Variants in GAREM2 observed in about 807,000 individuals in gnomAD.
GAREM2 encodes the protein GRB2-associated and regulator of MAPK protein 2.
In GAREM2, 30 loss-of-function variants were observed where a neutral mutation model predicts 55.6. The observed-to-expected ratio is 0.54, with a 90% CI of 0.40 to 0.73. The LOEUF (loss-of-function observed/expected upper bound fraction) is 0.73. Among genes scored for constraint, GAREM2 ranks in the 30% least tolerant of loss-of-function variants. GAREM2 has a pLI of 0.00. For missense variants in GAREM2, 1,075 were observed against 1,257.7 expected (o/e 0.85, Z 2.20); for synonymous variants, 550 against 569.1 (o/e 0.97, Z 0.48).
In GAREM2 at chr2:26,187,556, C is replaced by A; in HGVS notation, c.1924C>A (p.Pro642Thr). Residue 642 changes from proline to threonine, a missense_variant, in exon 6 of 6, where the codon CCT becomes ACT. Physicochemically the swap from Pro to Thr is conservative, Grantham distance 38. Coordinates refer to ENST00000401533, the MANE Select transcript of GAREM2 (RefSeq NM_001168241.2). ...TTCCGGGCCTGCCTACCCCTCAGGC[C>A]CTTCAGCGGCCTTGTCTTCTGGGCC... is the stretch of plus-strand genomic sequence containing the variant. The part of the protein sequence containing the change: ...PFSGPAYPSG[P>T]SAALSSGPRT... The A allele has an allele frequency of 6.5e-7, 1 of 1,543,044 alleles. No homozygotes were observed. The highest frequency in any genetic ancestry group is 2.0e-5 in the Admixed American group (1 of 49,456).
Position 26,179,363 on chromosome 2 carries a change from T to A in GAREM2, c.253+2879T>A, listed in dbSNP as rs923076626. 5.9e-5 allele frequency among the ~76,000 whole-genome samples: 9 copies of A among 152,182 alleles called. No homozygotes were observed. The highest frequency in any genetic ancestry group is 1.2e-4 in the Non-Finnish European group (8 of 68,036). ...AAATCCGAAGCCCAGAGAGATTAAA[T>A]AATTTGCCCAAGGTCACACAGCTGG... On this transcript the variant is annotated intron_variant, in intron 2 of 5. Coordinates refer to ENST00000401533, the MANE Select transcript of GAREM2 (RefSeq NM_001168241.2). This position sits in a 1 kb window ranked among gnomAD's most constrained non-coding sequence, Gnocchi z 4.7.
chr2:26,197,995 A>T, the GAREM2 span, among the ~76,000 whole-genome samples: 14 of 152,146 alleles, frequency 9.2e-5, no homozygotes, highest in Non-Finnish European at 1.9e-4. Context: ...GCCTTCCTCT[A>T]GTTATGGCCC....
the GAREM2 span, among the ~76,000 whole-genome samples, chr2:26,196,250 T>G: frequency 3.9e-5 from 6 of 152,356 alleles, no homozygotes; most frequent in Admixed American, 3.3e-4. Context: ...AATGCCATTA[T>G]GTAATACACA....
At chr2:26,176,258 G>T in intron 1 of GAREM2, 86 bp from the exon 2 acceptor site, 2 of 1,329,778 alleles carry the variant, frequency 1.5e-6, no homozygotes, top group Non-Finnish European at 2.0e-6. Flanking sequence ...GGCGGTCTTG[G>T]TGAGGACGTC....
chr2:26,187,090 G>A (rs1442871160), intron 5 of GAREM2, 141 bp from the exon 6 acceptor site: 22 of 1,239,292 alleles, frequency 1.8e-5, no homozygotes, highest in Admixed American at 4.2e-5. Flanking sequence ...CGGCCATTCC[G>A]GAGGGTCTTG....
chr2:26,173,636 C>A (rs916955587), intron 1 of GAREM2, among the ~76,000 whole-genome samples: 1 of 152,010 alleles, frequency 6.6e-6, no homozygotes, highest in Non-Finnish European at 1.5e-5. Context: ...CGGTTGCCCC[C>A]CTTTCCCCCG....
At chr2:26,195,724 TAA>T in the GAREM2 span, among the ~76,000 whole-genome samples, 1 of 152,168 alleles carries the variant, frequency 6.6e-6, no homozygotes, top group Non-Finnish European at 1.5e-5. Flanking sequence ...CAGATGCACT[TAA>T]GACTCATTAA....
downstream of GAREM2, chr2:26,190,889 TTTA>T: frequency 2.8e-6 from 1 of 362,610 alleles, no homozygotes; most frequent in East Asian, 6.1e-5. Context: ...GAGTTTGGTT[TTTA>T]TTGTTATGTG....
At position 26,188,230 on chromosome 2, in the gene GAREM2, C is replaced by A; in HGVS notation, c.2598C>A (p.Phe866Leu). ...TKLQVKKIMQ[F>L]IKGWRPKI ...TGCAGGTCAAGAAGATCATGCAGTT[C>A]ATCAAAGGCTGGAGGCCCAAGATCT... is the stretch of plus-strand genomic sequence containing the variant. Residue 866 changes from phenylalanine to leucine, a missense_variant, in exon 6 of 6, where the codon TTC becomes TTA. By Grantham distance (22) the Phe-to-Leu change is conservative (BLOSUM62 0). This residue lies in a region of GAREM2 where 142 missense variants were observed against 172.3 expected (regional missense o/e 0.82). Coordinates refer to ENST00000401533, the MANE Select transcript of GAREM2 (RefSeq NM_001168241.2). 6.7e-7 allele frequency: 1 copy of A among 1,494,912 alleles called. No homozygotes were observed. Among genetic ancestry groups the A allele is most frequent in the South Asian group, 1.3e-5 (1 of 76,360 alleles). 92.6% of individuals were successfully genotyped at this position (1,494,912 alleles called of 1,614,324 possible).
the GAREM2 span, chr2:26,194,745 AACTT>A: frequency 1.3e-6 from 1 of 797,118 alleles, no homozygotes; most frequent in South Asian, 1.4e-5. Flanking sequence ...GTCACTGTAA[AACTT>A]AAGGTGACTT....
rs1669031995 is a variant in GAREM2 at position 26,180,943 on chromosome 2, G to A, written c.254-2024G>A. On this transcript the variant is annotated intron_variant, in intron 2 of 5. Coordinates refer to ENST00000401533, the MANE Select transcript of GAREM2 (RefSeq NM_001168241.2). The stretch of plus-strand genomic sequence containing the variant: ...GCCATCTCCATTTCTGACCAGGCTG[G>A]TGGCCTGAGTACATCATCCTGAGTC... 4.1e-6 allele frequency: 4 copies of A among 985,310 alleles called. No homozygotes were observed. The South Asian group carries it at 1.9e-4, about 46-fold the overall frequency. The allele number at this position is 985,310 out of a possible 1,614,324, so 61.0% of individuals were successfully genotyped here.
chr2:26,188,325 G>A lies in GAREM2; in HGVS notation c.*68G>A, dbSNP rs1225127146. ...GCCCCAGGTACAGCACTCCGGAGGA[G>A]CAGGTGCTGCCTGCAAGAAGGATCT... On this transcript the variant is annotated 3_prime_UTR_variant, in exon 6 of 6. Coordinates refer to ENST00000401533, the MANE Select transcript of GAREM2 (RefSeq NM_001168241.2). The A allele has an allele frequency of 1.6e-6, 2 of 1,224,846 alleles. No homozygotes were observed. Among genetic ancestry groups the A allele is most frequent in the African/African-American group, 1.5e-5 (1 of 64,608 alleles). The allele number at this position is 1,224,846 out of a possible 1,614,324, so 75.9% of individuals were successfully genotyped here. A position where few individuals can be genotyped will look rare whatever the true frequency, so the allele number is the denominator to read the frequency against.
chr2:26,192,352 T>C (rs1214955457), downstream of GAREM2: 5 of 1,609,294 alleles, frequency 3.1e-6, no homozygotes, highest in Admixed American at 8.3e-5. Context: ...TAAAATACTA[T>C]CCATGTCAGA....
intron 1 of GAREM2, 149 bp downstream of exon 1, chr2:26,173,481 C>G (rs2147715992): frequency 5.7e-6 from 2 of 352,240 alleles, no homozygotes; most frequent in East Asian, 4.5e-5. Flanking sequence ...GCGCGCCTCC[C>G]GGGAGACGCG....
chr2:26,184,239 T>G lies in GAREM2; in HGVS notation c.391T>G (p.Ser131Ala). The change falls in exon 4 of 6, where the codon TCG becomes GCG. Residue 131 changes from serine (S) to alanine (A), a missense_variant. Ser to Ala is a moderately conservative substitution (Grantham distance 99). Coordinates refer to ENST00000401533, the MANE Select transcript of GAREM2 (RefSeq NM_001168241.2). ...EAITFSVKVV[S>A]GEFSEDSEVY... ...CTGTCTCTGGGATCCCCAGGTGGTG[T>G]CGGGCGAGTTCAGCGAGGACAGCGA... 2 of 1,550,030 alleles carry G rather than the reference T, an allele frequency of 1.3e-6. No individual in the cohort carries two copies. Among genetic ancestry groups the G allele is most frequent in the Non-Finnish European group, 1.7e-6 (2 of 1,146,120 alleles).
Position 26,184,638 on chromosome 2 carries a change from C to T in GAREM2, c.790C>T (p.Pro264Ser). 1 of 1,546,746 alleles carries T rather than the reference C, an allele frequency of 6.5e-7. No individual in the cohort carries two copies. The highest frequency in any genetic ancestry group is 8.7e-7 in the Non-Finnish European group (1 of 1,145,378). The change falls in exon 4 of 6, where the codon CCG becomes TCG. Residue 264 changes from proline to serine, a missense_variant. Transcript: ENST00000401533. The part of the protein sequence containing the change: ...VRAIIERVRL[P>S]VNVLVPSRPP... ...CGCCATCATCGAGCGCGTGAGGCTG[C>T]CGGTGAACGTGCTGGTGCCCAGCCG...
In GAREM2 at chr2:26,185,075, C is replaced by T; in HGVS notation, c.1227C>T (p.Tyr409=). 5 of 1,384,726 alleles carry T rather than the reference C, an allele frequency of 3.6e-6. No homozygotes were observed. The highest frequency in any genetic ancestry group is 6.2e-5 in the East Asian group (2 of 32,170). The allele number at this position is 1,384,726 out of a possible 1,614,324, so 85.8% of individuals were successfully genotyped here. A position where few individuals can be genotyped will look rare whatever the true frequency, so the allele number is the denominator to read the frequency against. The change falls in exon 4 of 6, where the codon TAC becomes TAT. Residue 409 remains tyrosine, a synonymous_variant. Transcript: ENST00000401533. ...PAPAGEGDQE[Y]VSPDWAAAPE... ...CCGCCGGCGAGGGCGACCAGGAGTA[C>T]GTGAGCCCCGACTGGGCAGCCGCGC...
At chr2:26,175,356 C>T (rs1434624707) in intron 1 of GAREM2, among the ~76,000 whole-genome samples, 1 of 152,174 alleles carries the variant, frequency 6.6e-6, no homozygotes. Context: ...TCCCAACTCC[C>T]AACACCTCTG....
At chr2:26,175,265 T>G (rs1351154782) in intron 1 of GAREM2, among the ~76,000 whole-genome samples, 2 of 149,194 alleles carry the variant, frequency 1.3e-5, no homozygotes, top group Non-Finnish European at 3.0e-5. Context: ...ACACAGCCCC[T>G]TCTGCCTCCT....
Sources: gnomAD v4.1 joint callset for allele counts (sites outside exome capture counted in the v4.1 genomes callset) on GRCh38, gnomAD v4.1.1 for gene constraint, gnomAD v4.1.1 regional missense constraint, Gnocchi (gnomAD v3.1) non-coding constraint, MANE v1.5 for transcripts, NCBI Gene and HGNC (gene_info 2026-07-23, HGNC 2026-07-21) for gene names.